Variants in HTR7 observed in about 807,000 individuals in gnomAD.
The protein encoded by HTR7 is 5-hydroxytryptamine receptor 7.
A neutral mutation model predicts 34.0 loss-of-function variants in HTR7; 16 were observed. That is an observed-to-expected ratio of 0.47 (90% CI 0.32 to 0.71). HTR7 has a LOEUF of 0.71. Ranked by LOEUF, HTR7 falls within the 30% of genes least tolerant of loss-of-function variation. The pLI, the probability that HTR7 is intolerant of heterozygous loss-of-function variation, is 0.04. For synonymous variants in HTR7, 265 were observed against 260.2 expected (o/e 1.02, Z -0.18); for missense variants, 504 against 625.5 (o/e 0.81, Z 2.07).
chr10:90,843,092 C>T (rs1273428167), intron 1 of HTR7, among the ~76,000 whole-genome samples: 9 of 152,078 alleles, frequency 5.9e-5, no homozygotes, highest in Admixed American at 5.9e-4. Context: ...TCAGAGGCAC[C>T]ATTCCCTTTT....
chr10:90,773,437 CTCAAGCA>C (rs1589444784), intron 1 of HTR7, among the ~76,000 whole-genome samples: 1 of 149,678 alleles, frequency 6.7e-6, no homozygotes, highest in African/African-American at 2.5e-5. Context: ...TGTCCATCCT[CTCAAGCA>C]TTTATCTTTT....
At chr10:90,743,441 G>T in intron 3 of HTR7, 152 bp downstream of exon 3, 1 of 664,700 alleles carries the variant, frequency 1.5e-6, no homozygotes. Context: ...GTGCTCCACA[G>T]ACACATTCCT....
At chr10:90,825,750 A>G (rs1357474335) in intron 1 of HTR7, among the ~76,000 whole-genome samples, 1 of 152,242 alleles carries the variant, frequency 6.6e-6, no homozygotes, top group Non-Finnish European at 1.5e-5. Context: ...AGCAGAACTG[A>G]CCAAGTATCA....
At chr10:90,777,317 C>G (rs1219834847) in intron 1 of HTR7, among the ~76,000 whole-genome samples, 1 of 151,824 alleles carries the variant, frequency 6.6e-6, no homozygotes, top group Admixed American at 6.6e-5. Context: ...CCTGTCTCTA[C>G]TAAAAATACA....
At chr10:90,776,389 A>G (rs961575261) in intron 1 of HTR7, among the ~76,000 whole-genome samples, 1 of 152,184 alleles carries the variant, frequency 6.6e-6, no homozygotes, top group African/African-American at 2.4e-5. Context: ...ACACCCTCAT[A>G]TGTATGTATG....
chr10:90,763,917 A>G (rs1844978288), intron 1 of HTR7, among the ~76,000 whole-genome samples: 1 of 152,208 alleles, frequency 6.6e-6, no homozygotes, highest in African/African-American at 2.4e-5. Flanking sequence ...TGCAGTAAAC[A>G]TATGTGTGCA....
At chr10:90,787,709 A>T (rs1160514121) in intron 1 of HTR7, among the ~76,000 whole-genome samples, 6 of 152,048 alleles carry the variant, frequency 3.9e-5, no homozygotes, top group Non-Finnish European at 4.4e-5. Context: ...TTGTAAATGA[A>T]ATGTGAATAT....
chr10:90,786,710 A>G (rs1845385509), intron 1 of HTR7, among the ~76,000 whole-genome samples: 1 of 152,236 alleles, frequency 6.6e-6, no homozygotes, highest in Non-Finnish European at 1.5e-5. Context: ...GCGGTACTCA[A>G]CGTGACAAAT....
rs543289777 is a variant in HTR7, at chr10:90,766,944, T to G, written c.540-17350A>C. 1.6e-4 allele frequency among the ~76,000 whole-genome samples: 24 copies of G among 152,300 alleles called. 1 individual carries two copies. The East Asian group carries it at 4.6e-3, about 29-fold the overall frequency. The stretch of plus-strand genomic sequence containing the variant: ...CAGAGCTTCCTGTTGCGATCTCTAG[T>G]TGAGTGGGGCCACTGCAGGTACTCT... On this transcript the variant is annotated intron_variant, in intron 1 of 3. Transcript: ENST00000336152.
chr10:90,827,899 C>G (rs1846104222), intron 1 of HTR7, among the ~76,000 whole-genome samples: 1 of 152,194 alleles, frequency 6.6e-6, no homozygotes, highest in Non-Finnish European at 1.5e-5. Flanking sequence ...AATATTTCAT[C>G]CAATGGCTGG....
chr10:90,819,807 A>T (rs1257294167), intron 1 of HTR7, among the ~76,000 whole-genome samples: 2 of 152,160 alleles, frequency 1.3e-5, no homozygotes, highest in African/African-American at 4.8e-5. Context: ...GAGTTTAAGA[A>T]GTGTTTCACA....
At chr10:90,841,331 A>G (rs1279318062) in intron 1 of HTR7, among the ~76,000 whole-genome samples, 1 of 152,244 alleles carries the variant, frequency 6.6e-6, no homozygotes, top group African/African-American at 2.4e-5. Flanking sequence ...TATTGGTACT[A>G]TAACAAGTTC....
At position 90,741,907 on chromosome 10, in the gene HTR7, GAGACCCTGC is replaced by G. The variant is rs3832648; in HGVS notation, c.*566_*574del. On this transcript the variant is annotated 3_prime_UTR_variant, in exon 4 of 4. Transcript: ENST00000336152. ...AAAGTACATAGGTGGGGAAATCACA[GAGACCCTGC>G]AGAAAAGCCAAACTATTTGACAGAA... 0.061 allele frequency: 9,310 copies of G among 152,688 alleles called. 367 individuals carry two copies. The highest frequency in any genetic ancestry group is 0.15 in the East Asian group (797 of 5,166). The allele number at this position is 152,688 out of a possible 1,614,324, so 9.5% of individuals were successfully genotyped here. A position where few individuals can be genotyped will look rare whatever the true frequency, so the allele number is the denominator to read the frequency against.
chr10:90,753,373 A>AAGAGAG (rs150993996), intron 1 of HTR7, among the ~76,000 whole-genome samples: 1 of 150,442 alleles, frequency 6.6e-6, no homozygotes, highest in African/African-American at 2.4e-5. Flanking sequence ...CTCTATTTTA[A>AAGAGAG]AGAGAGAGAG....
At position 90,749,320 on chromosome 10, in the gene HTR7, T is replaced by C. The variant is rs951291756; in HGVS notation, c.814A>G (p.Lys272Glu). The change falls in exon 2 of 4, where the codon AAA (lysine) becomes GAA (glutamate). Residue 272 changes from lysine (K) to glutamate (E), a missense_variant. By Grantham distance (56) the Lys-to-Glu change is moderately conservative. This residue lies in a region of HTR7 where 57 missense variants were observed against 47.5 expected (regional missense o/e 1.20). Transcript: ENST00000336152. This position sits in a 1 kb window ranked among gnomAD's most constrained non-coding sequence, Gnocchi z 4.2. ...IYKAARKSAA[K>E]HKFPGFPRVE... ...CGAGGGAAGCCAGGAAACTTGTGTT[T>C]GGCAGCACTCTTCCTGGCAGCCTTG... 1.9e-6 allele frequency: 3 copies of C among 1,614,052 alleles called. No homozygotes were observed. The highest frequency in any genetic ancestry group is 1.7e-6 in the Non-Finnish European group (2 of 1,180,048).
intron 1 of HTR7, among the ~76,000 whole-genome samples, chr10:90,778,292 A>T (rs1378958759): frequency 6.6e-6 from 1 of 152,172 alleles, no homozygotes; most frequent in Non-Finnish European, 1.5e-5. Flanking sequence ...GGATTAATCC[A>T]TTCATGGATT....
At chr10:90,806,623 A>T (rs767158504) in intron 1 of HTR7, among the ~76,000 whole-genome samples, 19 of 151,812 alleles carry the variant, frequency 1.3e-4, no homozygotes, top group Non-Finnish European at 2.5e-4. Context: ...AAAAAAATTT[A>T]AAAAATAAAA....
At chr10:90,744,904 C>T (rs1178864745) in intron 2 of HTR7, among the ~76,000 whole-genome samples, 1 of 152,206 alleles carries the variant, frequency 6.6e-6, no homozygotes, top group Non-Finnish European at 1.5e-5. Context: ...TTTGTATAAG[C>T]TCCCACATTG....
intron 3 of HTR7, among the ~76,000 whole-genome samples, chr10:90,742,858 C>T (rs1435167464): frequency 1.3e-5 from 2 of 152,178 alleles, no homozygotes; most frequent in African/African-American, 4.8e-5. Context: ...ACCTGCCCCA[C>T]TTGAAAAGAA....
Sources: gnomAD v4.1 joint callset for allele counts (sites outside exome capture counted in the v4.1 genomes callset) on GRCh38, gnomAD v4.1.1 for gene constraint, gnomAD v4.1.1 regional missense constraint, Gnocchi (gnomAD v3.1) non-coding constraint, MANE v1.5 for transcripts, NCBI Gene and HGNC (gene_info 2026-07-23, HGNC 2026-07-21) for gene names.